The following HIRA variants were observed in gnomAD, a reference collection of about 807,000 sequenced individuals.
HIRA encodes the protein histone cell cycle regulator.
Under a neutral mutation model 126.6 loss-of-function variants are expected in HIRA, and 13 were observed. The observed-to-expected ratio is 0.10, with a 90% CI of 0.07 to 0.16. The LOEUF (loss-of-function observed/expected upper bound fraction) is 0.16. Among genes scored for constraint, HIRA ranks in the 10% least tolerant of loss-of-function variants. HIRA has a pLI of 1.00. For synonymous variants in HIRA, 511 were observed against 520.0 expected, an observed-to-expected ratio of 0.98 and a Z score of 0.24; for missense variants, 834 against 1,314.4, an observed-to-expected ratio of 0.63 and a Z score of 5.65.
intron 15 of HIRA, 83 bp downstream of exon 15, chr22:19,375,548 G>T (rs2089009673): frequency 6.9e-7 from 1 of 1,445,250 alleles, no homozygotes; most frequent in Non-Finnish European, 9.5e-7. Flanking sequence ...AAGGCAGGTT[G>T]CTTGGTGGGA....
rs926462747 is a variant in HIRA, at chr22:19,345,779, C to T, written c.2937+5579G>A. ...AAGGGAGGCTTCCTAAGAACAGGGC[C>T]TGGCTGGGGAGGCTGGAGCCAGAAC... On this transcript the variant is annotated intron_variant, in intron 24 of 24. Coordinates refer to ENST00000263208, the MANE Select transcript of HIRA (RefSeq NM_003325.4). 3.9e-5 allele frequency among the ~76,000 whole-genome samples: 6 copies of T among 152,148 alleles called. 1 individual carries two copies. The highest frequency in any genetic ancestry group is 7.2e-5 in the African/African-American group (3 of 41,436).
chr22:19,370,911 A>C (rs1242767286), intron 15 of HIRA, among the ~76,000 whole-genome samples: 1 of 152,206 alleles, frequency 6.6e-6, no homozygotes, highest in African/African-American at 2.4e-5. Context: ...CCCTGTGGAC[A>C]TAGCTGCTGA....
intron 5 of HIRA, among the ~76,000 whole-genome samples, chr22:19,402,403 C>T (rs2089276375): frequency 6.6e-6 from 1 of 152,146 alleles, no homozygotes; most frequent in South Asian, 2.1e-4. Context: ...GGTAAGATTA[C>T]TTATTCCTGG....
intron 10 of HIRA, 105 bp downstream of exon 10, chr22:19,388,379 G>A: frequency 1.2e-6 from 1 of 814,962 alleles, no homozygotes; most frequent in African/African-American, 1.7e-5. Context: ...GACACCTGGG[G>A]AGGGGCCACT....
In HIRA at chr22:19,347,913, C is replaced by T. The variant is rs552625638; in HGVS notation, c.2937+3445G>A. ...GATATTGTGCCACTGTACTCCAGCC[C>T]GGGTGACAGAGCGAGACTCCGTCTC... On this transcript the variant is annotated intron_variant, in intron 24 of 24. Transcript: ENST00000263208. 1.4e-4 allele frequency among the ~76,000 whole-genome samples: 22 copies of T among 152,226 alleles called. No homozygotes were observed. In the South Asian group the frequency reaches 3.3e-3, roughly 23 times the overall value.
In HIRA at chr22:19,355,801, G is replaced by C. The variant is rs782121972; in HGVS notation, c.2520C>G (p.Ser840=). Residue 840 remains serine, a synonymous_variant, in exon 21 of 25, where the codon TCC becomes TCG. Coordinates refer to ENST00000263208, the MANE Select transcript of HIRA (RefSeq NM_003325.4). ...TQHGIPVMNL[S]DGKAYCFNPS... ...GATTAAAGCAGTACGCCTTCCCATC[G>C]GACAGGTTCATTACTGGGATTCCAT... The C allele has an allele frequency of 1.2e-6, 2 of 1,613,912 alleles. No individual in the cohort carries two copies. The highest frequency in any genetic ancestry group is 1.7e-5 in the Admixed American group (1 of 60,002).
At chr22:19,356,753 C>T in intron 19 of HIRA, 137 bp downstream of exon 19, 1 of 829,912 alleles carries the variant, frequency 1.2e-6, no homozygotes, top group East Asian at 2.7e-5. Flanking sequence ...AGCAATATCA[C>T]TAACTGCTCA....
intron 17 of HIRA, 139 bp from the exon 18 acceptor site, chr22:19,359,623 G>A (rs1253508825): frequency 2.1e-6 from 2 of 953,932 alleles, no homozygotes; most frequent in Non-Finnish European, 2.9e-6. Flanking sequence ...GAGAGGGAGG[G>A]CAGGTAGGGC....
At chr22:19,412,798 A>C (rs1053084030) in intron 1 of HIRA, among the ~76,000 whole-genome samples, 1 of 152,262 alleles carries the variant, frequency 6.6e-6, no homozygotes. Flanking sequence ...CACAGCATCA[A>C]CTGCATGTTT....
chr22:19,388,814 A>G (rs573159511), intron 9 of HIRA, among the ~76,000 whole-genome samples: 3 of 152,360 alleles, frequency 2.0e-5, no homozygotes, highest in East Asian at 3.9e-4. Context: ...TTATACACAG[A>G]TAACTAGCAA....
chr22:19,406,051 G>T (rs2146240114), intron 4 of HIRA, among the ~76,000 whole-genome samples, 171 bp from the exon 5 acceptor site: 1 of 152,304 alleles, frequency 6.6e-6, no homozygotes, highest in Admixed American at 6.5e-5. Context: ...TATGATCCAT[G>T]CACTTGATGA....
At chr22:19,425,755 G>A (rs755188572) in intron 1 of HIRA, among the ~76,000 whole-genome samples, 11 of 152,154 alleles carry the variant, frequency 7.2e-5, no homozygotes, top group Non-Finnish European at 1.6e-4. Context: ...AGGCCGAGGC[G>A]GGTGGATCAC....
Position 19,405,892 on chromosome 22 carries a change from A to G in HIRA, c.303-12T>C, listed in dbSNP as rs756857317. On this transcript the variant is annotated splice_polypyrimidine_tract_variant and intron_variant, in intron 4 of 24. Transcript: ENST00000263208. ...TGGGGCCGATGTACCTGTGTGAGAA[A>G]GGGGCCAAAAAGGCACTCATGGAGT... The G allele has an allele frequency of 6.9e-7, 1 of 1,452,404 alleles. No homozygotes were observed. Among genetic ancestry groups the G allele is most frequent in the Non-Finnish European group, 9.1e-7 (1 of 1,093,402 alleles). The allele number at this position is 1,452,404 out of a possible 1,614,324, so 90.0% of individuals were successfully genotyped here.
At chr22:19,367,667 C>T (rs150668150) in intron 15 of HIRA, among the ~76,000 whole-genome samples, 4 of 152,258 alleles carry the variant, frequency 2.6e-5, no homozygotes, top group East Asian at 3.9e-4. Flanking sequence ...GAGCTGAGCC[C>T]GGCCAGCCTC....
intron 11 of HIRA, among the ~76,000 whole-genome samples, chr22:19,386,659 G>T (rs182268032): frequency 2.6e-5 from 4 of 152,280 alleles, no homozygotes; most frequent in Admixed American, 2.6e-4. Context: ...GTTTGGCCAG[G>T]GTTTCCCTAG....
At chr22:19,424,986 C>T (rs1291739033) in intron 1 of HIRA, among the ~76,000 whole-genome samples, 1 of 152,160 alleles carries the variant, frequency 6.6e-6, no homozygotes, top group East Asian at 1.9e-4. Flanking sequence ...AAGAGACTAG[C>T]CTGTCAAGCA....
intron 24 of HIRA, among the ~76,000 whole-genome samples, chr22:19,340,564 G>C (rs566773191): frequency 5.9e-5 from 9 of 152,046 alleles, no homozygotes; most frequent in Non-Finnish European, 1.2e-4. Context: ...ATATGTAAAG[G>C]GGAAGTCAAA....
At chr22:19,349,990 T>C (rs1446871776) in intron 24 of HIRA, among the ~76,000 whole-genome samples, 2 of 152,098 alleles carry the variant, frequency 1.3e-5, no homozygotes, top group Non-Finnish European at 2.9e-5. Flanking sequence ...CCTTTTTCTT[T>C]TCTTTTTTTT....
chr22:19,358,630 G>A (rs1156723915), intron 18 of HIRA, among the ~76,000 whole-genome samples: 1 of 152,202 alleles, frequency 6.6e-6, no homozygotes, highest in Non-Finnish European at 1.5e-5. Flanking sequence ...CAGGGCCCAC[G>A]AGAATTGTGG....
Sources: gnomAD v4.1 joint callset for allele counts (sites outside exome capture counted in the v4.1 genomes callset) on GRCh38, gnomAD v4.1.1 for gene constraint, MANE v1.5 for transcripts, NCBI Gene and HGNC (gene_info 2026-07-23, HGNC 2026-07-21) for gene names.